Variants in SOCS7 observed in about 807,000 individuals in gnomAD.
SOCS7 encodes the protein NAP-4.
A neutral mutation model predicts 58.9 loss-of-function variants in SOCS7; 18 were observed. The observed-to-expected ratio is 0.31, with a 90% confidence interval of 0.21 to 0.45. The LOEUF (loss-of-function observed/expected upper bound fraction) is 0.45. Among genes scored for constraint, SOCS7 ranks in the 20% least tolerant of loss-of-function variants. The probability of loss-of-function intolerance (pLI) is 1.00; values close to 1 mark genes in which losing one functional copy is unlikely to be tolerated. For synonymous variants in SOCS7, 388 were observed against 364.3 expected (o/e 1.06, Z -0.74); for missense variants, 667 against 837.3 (o/e 0.80, Z 2.51).
chr17:38,366,371 G>T lies in SOCS7; in HGVS notation c.1337G>T (p.Arg446Leu), dbSNP rs370033423. ...CAGCACCTCCAGTGTCCCCTCTACC[G>T]GCCTGACTCGAGCAGCTTTGCAGCC... ...PPQHLQCPLY[R>L]PDSSSFAASL... The change falls in exon 5 of 10, where the codon CGG becomes CTG. Residue 446 changes from arginine to leucine, a missense_variant. Arg to Leu is a moderately radical substitution (Grantham distance 102). Around this residue, in one of 9 missense-constraint regions of SOCS7, gnomAD observed 99 missense variants for 122.9 expected, o/e 0.81. Transcript: ENST00000612932. 6.2e-7 allele frequency: 1 copy of T among 1,614,178 alleles called. No individual in the cohort carries two copies. The highest frequency in any genetic ancestry group is 8.5e-7 in the Non-Finnish European group (1 of 1,180,032).
chr17:38,369,966 T>C (rs1201158578), intron 6 of SOCS7, among the ~76,000 whole-genome samples: 1 of 152,058 alleles, frequency 6.6e-6, no homozygotes, highest in African/African-American at 2.4e-5. Context: ...ATTTTTTTTG[T>C]ATTTTTAGTA....
Position 38,366,380 on chromosome 17 carries a change from C to G in SOCS7, c.1346C>G (p.Ser449Trp), listed in dbSNP as rs773479428. Reference sequence around the variant, plus strand: ...CAGTGTCCCCTCTACCGGCCTGACTCGAGCAGCTTTGCAGCCAGCCTTCGA... The same window carrying G: ...CAGTGTCCCCTCTACCGGCCTGACTGGAGCAGCTTTGCAGCCAGCCTTCGA... The part of the protein sequence containing the change: ...HLQCPLYRPD[S>W]SSFAASLREL... The change falls in exon 5 of 10, where the codon TCG (serine) becomes TGG (tryptophan). Residue 449 changes from serine (S) to tryptophan (W), a missense_variant. Ser to Trp is a radical substitution (Grantham distance 177, BLOSUM62 -3). Transcript: ENST00000612932. 1 of 1,614,114 alleles carries G rather than the reference C, an allele frequency of 6.2e-7. No homozygotes were observed. The highest frequency in any genetic ancestry group is 8.5e-7 in the Non-Finnish European group (1 of 1,180,058).
intron 6 of SOCS7, among the ~76,000 whole-genome samples, chr17:38,372,403 A>G (rs1243677422): frequency 6.6e-6 from 1 of 152,260 alleles, no homozygotes; most frequent in East Asian, 1.9e-4. Context: ...TCATAACTGC[A>G]TAAAATTAAC....
chr17:38,352,599 G>A lies in SOCS7; in HGVS notation c.547G>A (p.Gly183Ser). Residue 183 changes from glycine to serine, a missense_variant, in exon 1 of 10, where the codon GGC becomes AGC. Coordinates refer to ENST00000612932, the MANE Select transcript of SOCS7 (RefSeq NM_014598.4). This position sits in a 1 kb window ranked among gnomAD's most constrained non-coding sequence, Gnocchi z 5.5. Reference protein sequence around the residue: ...ETSDALLVLEGLESEAESLET... With the variant: ...ETSDALLVLESLESEAESLET... ...GAGCGACGCGCTGCTGGTCCTGGAG[G>A]GCTTGGAATCGGAGGCCGAGAGCCT... The A allele has an allele frequency of 1.9e-6, 3 of 1,550,060 alleles. No homozygotes were observed. Among genetic ancestry groups the A allele is most frequent in the Non-Finnish European group, 2.6e-6 (3 of 1,146,856 alleles).
intron 6 of SOCS7, among the ~76,000 whole-genome samples, chr17:38,371,248 G>A (rs1269507498): frequency 2.6e-5 from 4 of 151,554 alleles, no homozygotes; most frequent in Non-Finnish European, 5.9e-5. Flanking sequence ...TGAGTAGCTG[G>A]GATTACAGAT....
chr17:38,367,265 A>G (rs923835203), intron 5 of SOCS7, among the ~76,000 whole-genome samples: 2 of 151,920 alleles, frequency 1.3e-5, no homozygotes, highest in Non-Finnish European at 2.9e-5. Flanking sequence ...GGGTTTCACC[A>G]TGTTGGCCAG....
chr17:38,400,960 ACT>A lies in SOCS7; in HGVS notation c.*1483_*1484del, dbSNP rs1221321996. On this transcript the variant is annotated 3_prime_UTR_variant, in exon 10 of 10. Transcript: ENST00000612932. The stretch of plus-strand genomic sequence containing the variant: ...GACTCCTTTGCGTGTGTTCCATGGG[ACT>A]CTCTTTCTGGGTTCCCCATGCTTAT... 1 of 151,322 alleles carries A rather than the reference ACT, an allele frequency of 6.6e-6. No homozygotes were observed. The highest frequency in any genetic ancestry group is 1.5e-5 in the Non-Finnish European group (1 of 67,876). 9.4% of individuals were successfully genotyped at this position (151,322 alleles called of 1,614,324 possible). A position where few individuals can be genotyped will look rare whatever the true frequency, so the allele number is the denominator to read the frequency against.
At position 38,375,561 on chromosome 17, in the gene SOCS7, C is replaced by T. The variant is rs187075489; in HGVS notation, c.1553-2153C>T. Among the ~76,000 whole-genome samples the T allele has an allele frequency of 9.9e-5, 15 of 151,968 alleles. No individual in the cohort carries two copies. In the East Asian group the frequency reaches 1.5e-3, roughly 16 times the overall value. On this transcript the variant is annotated intron_variant, in intron 6 of 9. Transcript: ENST00000612932. ...TATCACATACAAAATATATGTTAACCGACTGTTTATATTATTGGTAAGGCT... is the reference window on the plus strand; with the variant it reads ...TATCACATACAAAATATATGTTAACTGACTGTTTATATTATTGGTAAGGCT...
At chr17:38,390,568 G>A (rs2038157371) in intron 7 of SOCS7, among the ~76,000 whole-genome samples, 1 of 151,986 alleles carries the variant, frequency 6.6e-6, no homozygotes. Context: ...ATGGACATAG[G>A]CTGTCTTTCT....
At chr17:38,360,819 A>G (rs758514985) in intron 1 of SOCS7, among the ~76,000 whole-genome samples, 2 of 152,190 alleles carry the variant, frequency 1.3e-5, no homozygotes, top group Non-Finnish European at 2.9e-5. Flanking sequence ...GATTACAGGC[A>G]TGAGCCACCG....
At position 38,352,213 on chromosome 17, in the gene SOCS7, C is replaced by T; in HGVS notation, c.161C>T (p.Pro54Leu). The T allele has an allele frequency of 7.4e-7, 1 of 1,345,232 alleles. No individual in the cohort carries two copies. Among genetic ancestry groups the T allele is most frequent in the African/African-American group, 1.5e-5 (1 of 65,408 alleles). The allele number at this position is 1,345,232 out of a possible 1,614,324, so 83.3% of individuals were successfully genotyped here. A position where few individuals can be genotyped will look rare whatever the true frequency, so the allele number is the denominator to read the frequency against. The change falls in exon 1 of 10, where the codon CCC becomes CTC. Residue 54 changes from proline (P) to leucine (L), a missense_variant. Coordinates refer to ENST00000612932, the MANE Select transcript of SOCS7 (RefSeq NM_014598.4). The surrounding 1 kb of genome is among the most constrained non-coding windows in gnomAD (Gnocchi z 5.5). ...CCGCCGCCACCCTTCCTCGCGCGGC[C>T]CGGCCCGCGGGGCTCCCGGCCGCCG... is the stretch of plus-strand genomic sequence containing the variant. ...GPPPPPFLAR[P>L]GPRGSRPPQL... is the part of the protein sequence containing the mutation.
intron 4 of SOCS7, 120 bp downstream of exon 4, chr17:38,365,529 T>C: frequency 1.6e-6 from 1 of 627,650 alleles, no homozygotes; most frequent in South Asian, 3.2e-5. Flanking sequence ...AGTTTAAATC[T>C]TTTCCCCTTG....
At position 38,352,537 on chromosome 17, in the gene SOCS7, C is replaced by T. The variant is rs201577908; in HGVS notation, c.485C>T (p.Ala162Val). 10,585 of 1,548,260 alleles carry T rather than the reference C, an allele frequency of 6.8e-3. 62 individuals carry two copies. Among genetic ancestry groups the T allele is most frequent in the Middle Eastern group, 0.015 (92 of 5,952 alleles). The change falls in exon 1 of 10, where the codon GCT (alanine) becomes GTT (valine). Residue 162 changes from alanine (A) to valine (V), a missense_variant. Physicochemically the swap from Ala to Val is moderately conservative, Grantham distance 64. This residue lies in a region of SOCS7 where 154 missense variants were observed against 156.3 expected (regional missense o/e 0.98). Transcript: ENST00000612932. This position sits in a 1 kb window ranked among gnomAD's most constrained non-coding sequence, Gnocchi z 5.5. Reference protein sequence around the residue: ...QPPPPQPQPPAAAPQAGEDPT... With the variant: ...QPPPPQPQPPVAAPQAGEDPT... Reference sequence around the variant, plus strand: ...CCCCCTCCGCAGCCCCAGCCGCCTGCTGCCGCCCCGCAGGCCGGGGAGGAC... The same window carrying T: ...CCCCCTCCGCAGCCCCAGCCGCCTGTTGCCGCCCCGCAGGCCGGGGAGGAC...
Position 38,352,166 on chromosome 17 carries a change from A to ACCGCCC in SOCS7, c.118_123dup (p.Pro40_Pro41dup). 1.7e-6 allele frequency: 2 copies of ACCGCCC among 1,170,556 alleles called. No homozygotes were observed. The highest frequency in any genetic ancestry group is 2.1e-6 in the Non-Finnish European group (2 of 945,044). The allele number at this position is 1,170,556 out of a possible 1,614,324, so 72.5% of individuals were successfully genotyped here. On this transcript the variant is annotated inframe_insertion, in exon 1 of 10. Transcript: ENST00000612932. The surrounding 1 kb of genome is among the most constrained non-coding windows in gnomAD (Gnocchi z 5.5). ...CGGCCCCCGAGCCAGGCCCTCCGCC[A>ACCGCCC]CCGCCCCCGGGCCATGGCCCCCCGC...
chr17:38,387,133 G>GTATATATATATATATATA, intron 7 of SOCS7, among the ~76,000 whole-genome samples: 1 of 73,484 alleles, frequency 1.4e-5, no homozygotes, highest in African/African-American at 7.0e-5. Context: ...ATATATGTAT[G>GTATATATATATATATATA]TATATATATA....
rs552682121 is a variant in SOCS7 at position 38,402,004 on chromosome 17, C to T, written c.*2522C>T. 3.9e-5 allele frequency: 6 copies of T among 152,244 alleles called. No individual in the cohort carries two copies. Among genetic ancestry groups the T allele is most frequent in the Non-Finnish European group, 7.3e-5 (5 of 68,092 alleles). 9.4% of individuals were successfully genotyped at this position (152,244 alleles called of 1,614,324 possible). ...GTGAGGGAGGCAGAGCCTCTGCACC[C>T]CCTGTGTTACTGGGGTTTCTTCTGG... is the stretch of plus-strand genomic sequence containing the variant. On this transcript the variant is annotated 3_prime_UTR_variant, in exon 10 of 10. Coordinates refer to ENST00000612932, the MANE Select transcript of SOCS7 (RefSeq NM_014598.4).
intron 7 of SOCS7, among the ~76,000 whole-genome samples, chr17:38,387,665 T>C (rs1308269614): frequency 1.2e-5 from 1 of 86,360 alleles, no homozygotes; most frequent in Non-Finnish European, 2.1e-5. Flanking sequence ...TTGTATATAT[T>C]ATACTATATA....
chr17:38,373,230 A>G (rs2144351328), intron 6 of SOCS7, among the ~76,000 whole-genome samples: 1 of 152,344 alleles, frequency 6.6e-6, no homozygotes, highest in Non-Finnish European at 1.5e-5. Flanking sequence ...GGAGAAGTTA[A>G]TGCCGGCAAT....
chr17:38,358,238 C>T (rs1025695048), intron 1 of SOCS7, among the ~76,000 whole-genome samples: 4 of 152,108 alleles, frequency 2.6e-5, no homozygotes, highest in Non-Finnish European at 4.4e-5. Flanking sequence ...CACCCTAATG[C>T]TTTTTGAGGT....
Sources: gnomAD v4.1 joint callset for allele counts (sites outside exome capture counted in the v4.1 genomes callset) on GRCh38, gnomAD v4.1.1 for gene constraint, gnomAD v4.1.1 regional missense constraint, Gnocchi (gnomAD v3.1) non-coding constraint, MANE v1.5 for transcripts, NCBI Gene and HGNC (gene_info 2026-07-23, HGNC 2026-07-21) for gene names.